The following ZMAT4 variants were observed in gnomAD, a reference collection of about 807,000 sequenced individuals.
ZMAT4 encodes the protein zinc finger matrin-type protein 4.
A neutral mutation model predicts 28.7 loss-of-function variants in ZMAT4; 17 were observed. That is an observed-to-expected ratio of 0.59 (90% CI 0.41 to 0.89). The LOEUF (loss-of-function observed/expected upper bound fraction) is 0.89, where lower values mean the gene tolerates loss of function less well. Ranked by LOEUF, ZMAT4 falls within the 40% of genes least tolerant of loss-of-function variation. The pLI is 0.00. For missense variants in ZMAT4, 240 were observed against 283.8 expected (o/e 0.85, Z 1.11); for synonymous variants, 117 against 109.2 (o/e 1.07, Z -0.44).
chr8:40,816,789 G>A (rs985378193), intron 2 of ZMAT4, among the ~76,000 whole-genome samples: 2 of 152,150 alleles, frequency 1.3e-5, no homozygotes, highest in African/African-American at 4.8e-5. Context: ...GTTTGGTCAA[G>A]TTTTTCAAGA....
At chr8:40,647,174 T>A (rs909177835) in intron 5 of ZMAT4, among the ~76,000 whole-genome samples, 3 of 152,138 alleles carry the variant, frequency 2.0e-5, no homozygotes. Flanking sequence ...CAGGTTCATC[T>A]CACTAGGGAG....
At chr8:40,786,936 A>G (rs1814111648) in intron 2 of ZMAT4, among the ~76,000 whole-genome samples, 1 of 152,258 alleles carries the variant, frequency 6.6e-6, no homozygotes, top group Non-Finnish European at 1.5e-5. Context: ...CTGTCTCTGA[A>G]TATAAAGATA....
At chr8:40,596,670 T>C (rs995282155) in intron 5 of ZMAT4, among the ~76,000 whole-genome samples, 1 of 152,204 alleles carries the variant, frequency 6.6e-6, no homozygotes, top group Non-Finnish European at 1.5e-5. Context: ...CCTTGTTATG[T>C]GGTGCATGAC....
intron 4 of ZMAT4, among the ~76,000 whole-genome samples, chr8:40,690,558 C>T (rs893796230): frequency 2.0e-5 from 3 of 152,154 alleles, no homozygotes; most frequent in Admixed American, 2.0e-4. Flanking sequence ...AGCATCTAGA[C>T]AGATTATGCC....
intron 5 of ZMAT4, among the ~76,000 whole-genome samples, chr8:40,621,598 T>C (rs1484838172): frequency 6.6e-6 from 1 of 152,142 alleles, no homozygotes; most frequent in East Asian, 1.9e-4. Flanking sequence ...CAAGTAACAA[T>C]ACTGACATGA....
intron 5 of ZMAT4, among the ~76,000 whole-genome samples, chr8:40,587,550 G>A (rs1480686655): frequency 6.6e-6 from 1 of 151,948 alleles, no homozygotes; most frequent in Non-Finnish European, 1.5e-5. Flanking sequence ...TATATGAAAT[G>A]GAGCAGTGAT....
At chr8:40,724,336 T>A (rs1811234485) in intron 3 of ZMAT4, among the ~76,000 whole-genome samples, 1 of 152,202 alleles carries the variant, frequency 6.6e-6, no homozygotes, top group Admixed American at 6.5e-5. Flanking sequence ...GAAGTCCAGA[T>A]GTGAAATCAT....
Position 40,723,486 on chromosome 8 carries a change from T to A in ZMAT4, c.193-26085A>T, listed in dbSNP as rs150383203. Among the ~76,000 whole-genome samples, 9 of 126,842 alleles carry A rather than the reference T, an allele frequency of 7.1e-5. No individual in the cohort carries two copies. In the East Asian group the frequency reaches 2.1e-3, roughly 30 times the overall value. The allele number at this position is 126,842 out of a possible 152,430, so 83.2% of individuals were successfully genotyped here. ...TAAACCCCAGAAACAGAGGTTGCAG[T>A]GAGCTGAGATTGCACCACTGCACTC... On this transcript the variant is annotated intron_variant, in intron 3 of 6. Coordinates refer to ENST00000297737, the MANE Select transcript of ZMAT4 (RefSeq NM_024645.3).
intron 6 of ZMAT4, among the ~76,000 whole-genome samples, chr8:40,571,647 C>T (rs1804103010): frequency 1.3e-5 from 2 of 152,086 alleles, no homozygotes; most frequent in African/African-American, 4.8e-5. Context: ...GTCTTACTTT[C>T]AGGGAGAAGA....
At chr8:40,592,497 T>G (rs555094239) in intron 5 of ZMAT4, among the ~76,000 whole-genome samples, 2 of 152,342 alleles carry the variant, frequency 1.3e-5, no homozygotes, top group Non-Finnish European at 2.9e-5. Flanking sequence ...AACACACAAT[T>G]TCTAAAACAA....
intron 6 of ZMAT4, among the ~76,000 whole-genome samples, chr8:40,536,885 C>T (rs1046444408): frequency 7.5e-5 from 11 of 147,218 alleles, no homozygotes; most frequent in Admixed American, 3.4e-4. Flanking sequence ...TGAATGTCAG[C>T]GGGATGAGGG....
At chr8:40,621,696 G>A (rs1806205038) in intron 5 of ZMAT4, among the ~76,000 whole-genome samples, 4 of 152,194 alleles carry the variant, frequency 2.6e-5, no homozygotes, top group Admixed American at 2.6e-4. Context: ...GAAGGTCGCT[G>A]GGAAATGGAG....
At chr8:40,726,992 G>A (rs1018389569) in intron 3 of ZMAT4, among the ~76,000 whole-genome samples, 5 of 152,256 alleles carry the variant, frequency 3.3e-5, no homozygotes, top group Middle Eastern at 3.4e-3. Context: ...CTAAGTCATC[G>A]GAGAGGTACA....
At chr8:40,609,157 A>G (rs1167564976) in intron 5 of ZMAT4, among the ~76,000 whole-genome samples, 1 of 152,252 alleles carries the variant, frequency 6.6e-6, no homozygotes, top group Non-Finnish European at 1.5e-5. Context: ...GCAAAATTCT[A>G]TAAAAAGTAA....
chr8:40,823,073 A>ACG lies in ZMAT4; in HGVS notation c.102+2500_102+2501dup, dbSNP rs1815889184. On this transcript the variant is annotated intron_variant, in intron 2 of 6. Coordinates refer to ENST00000297737, the MANE Select transcript of ZMAT4 (RefSeq NM_024645.3). Reference sequence around the variant, plus strand: ...ATTTTTCATTGTTTTCAATGTTCTGACGTTACTTTTCTAGTCAGGCAGTGT... The same window carrying ACG: ...ATTTTTCATTGTTTTCAATGTTCTGACGCGTTACTTTTCTAGTCAGGCAGTGT... 2.6e-5 allele frequency among the ~76,000 whole-genome samples: 4 copies of ACG among 152,032 alleles called. No homozygotes were observed. In the South Asian group the frequency reaches 8.3e-4, roughly 32 times the overall value.
At chr8:40,795,432 T>G (rs1398453399) in intron 2 of ZMAT4, among the ~76,000 whole-genome samples, 2 of 152,206 alleles carry the variant, frequency 1.3e-5, no homozygotes, top group African/African-American at 4.8e-5. Context: ...AGACTGTTTT[T>G]TAGTGCAATT....
intron 6 of ZMAT4, among the ~76,000 whole-genome samples, chr8:40,532,625 C>T (rs547120829): frequency 1.3e-5 from 2 of 152,140 alleles, no homozygotes; most frequent in Non-Finnish European, 2.9e-5. Context: ...AGCAACATTA[C>T]AGTGGCTAAA....
chr8:40,731,281 TGCATATGG>T (rs1177484881), intron 3 of ZMAT4, among the ~76,000 whole-genome samples: 2 of 147,062 alleles, frequency 1.4e-5, no homozygotes, highest in African/African-American at 5.0e-5. Context: ...CCAAAGTAAC[TGCATATGG>T]GCGGGGGAGG....
At chr8:40,793,005 T>C (rs1814427765) in intron 2 of ZMAT4, among the ~76,000 whole-genome samples, 1 of 151,988 alleles carries the variant, frequency 6.6e-6, no homozygotes, top group South Asian at 2.1e-4. Flanking sequence ...CTGCTCTGTA[T>C]GATACTGTGA....
Sources: allele counts gnomAD v4.1 joint callset (sites outside exome capture counted in the v4.1 genomes callset), GRCh38; gene constraint gnomAD v4.1.1; transcripts MANE v1.5; gene names NCBI Gene and HGNC (gene_info 2026-07-23, HGNC 2026-07-21).